Variants in GLT6D1 observed in about 807,000 individuals in gnomAD.
GLT6D1 encodes the protein glycosyltransferase 6 domain containing 1.
GLT6D1 carries 9 observed loss-of-function variants against 12.3 expected under a neutral mutation model. That is an observed-to-expected ratio of 0.73 (90% CI 0.44 to 1.27). The LOEUF is 1.27. Among genes scored for constraint, GLT6D1 ranks in the 50% most tolerant of loss-of-function variants. GLT6D1 has a pLI of 0.00. For synonymous variants in GLT6D1, 128 were observed against 132.3 expected, an observed-to-expected ratio of 0.97 and a Z score of 0.23; for missense variants, 335 against 346.2, an observed-to-expected ratio of 0.97 and a Z score of 0.26.
intron 3 of GLT6D1, among the ~76,000 whole-genome samples, chr9:135,630,259 A>G (rs1049823388): frequency 6.6e-6 from 1 of 151,474 alleles, no homozygotes; most frequent in African/African-American, 2.4e-5. Flanking sequence ...CAAAAAAATT[A>G]GCCAGGCGTG....
In GLT6D1 at chr9:135,631,283, GT is replaced by G. The variant is rs878965930; in HGVS notation, c.119+147del. On this transcript the variant is annotated intron_variant, in intron 3 of 4. Transcript: ENST00000371763. ...CCTGGTTCTTGATCAACAGACCCTG[GT>G]TTGTTTATAAGAGCCTCGAAAATAA... The G allele has an allele frequency of 2.5e-5, 17 of 673,258 alleles. 1 individual carries two copies. In the South Asian group the frequency reaches 3.0e-4, roughly 12 times the overall value. 41.7% of individuals were successfully genotyped at this position (673,258 alleles called of 1,614,324 possible).
At chr9:135,639,253 C>G in intron 1 of GLT6D1, 40 bp downstream of exon 1, 1 of 952,028 alleles carries the variant, frequency 1.1e-6, no homozygotes, top group Non-Finnish European at 1.7e-6. Context: ...TATTTGTCAT[C>G]ATCTAACAAT....
rs767094324 is a variant in GLT6D1, at chr9:135,624,496, G to A, written c.432C>T (p.Leu144=). 14 of 1,608,130 alleles carry A rather than the reference G, an allele frequency of 8.7e-6. No homozygotes were observed. Among genetic ancestry groups the A allele is most frequent in the East Asian group, 6.7e-5 (3 of 44,556 alleles). The part of the protein sequence containing the change: ...AFKVGTERWW[L]DGPLVHVKSL... The stretch of plus-strand genomic sequence containing the variant: ...TCTTCACATGCACCAGGGGGCCATC[G>A]AGCCACCACCTCTCGGTGCCCACTT... The change falls in exon 5 of 5, where the codon CTC becomes CTT. Residue 144 remains leucine, a synonymous_variant. Transcript: ENST00000371763.
intron 2 of GLT6D1, among the ~76,000 whole-genome samples, chr9:135,636,908 G>A (rs11103120): frequency 0.28 from 41,993 of 151,654 alleles, 6,003 homozygotes; most frequent in Middle Eastern, 0.37. Context: ...GCTGGAGTGC[G>A]ATGGCGTGAT....
At chr9:135,630,391 T>A (rs1588202014) in intron 3 of GLT6D1, among the ~76,000 whole-genome samples, 1 of 120,452 alleles carries the variant, frequency 8.3e-6, no homozygotes, top group Admixed American at 9.2e-5. Context: ...GGCAACAGAG[T>A]GAGACTCTGT....
rs35598173 is a variant in GLT6D1, at chr9:135,630,722, C to CA, written c.119+708dup. ...CAACAAGAGCAAAACTCTGTCTCTA[C>CA]AAAAAAAAAAAAAAGATACTTAAAC... On this transcript the variant is annotated intron_variant, in intron 3 of 4. Transcript: ENST00000371763. Among the ~76,000 whole-genome samples the CA allele has an allele frequency of 7.7e-3, 805 of 105,028 alleles. 5 individuals are homozygous for CA. The highest frequency in any genetic ancestry group is 0.018 in the African/African-American group (493 of 27,976). 68.9% of individuals were successfully genotyped at this position (105,028 alleles called of 152,430 possible).
intron 3 of GLT6D1, among the ~76,000 whole-genome samples, chr9:135,630,514 G>A (rs1833618510): frequency 1.3e-5 from 2 of 151,746 alleles, no homozygotes; most frequent in African/African-American, 4.8e-5. Flanking sequence ...GTGGTCAGGA[G>A]TTCAAGACCA....
chr9:135,639,085 A>G, intron 2 of GLT6D1, 32 bp downstream of exon 2: 1 of 1,210,478 alleles, frequency 8.3e-7, no homozygotes, highest in Non-Finnish European at 1.2e-6. Flanking sequence ...CCAATCACTA[A>G]AGATCATGAT....
chr9:135,625,965 A>G, intron 4 of GLT6D1, 104 bp downstream of exon 4: 4 of 1,298,988 alleles, frequency 3.1e-6, no homozygotes, highest in Middle Eastern at 2.4e-4. Context: ...TATTGTTATC[A>G]CTAATTATGC....
chr9:135,624,822 T>C (rs1166088833), intron 4 of GLT6D1, 152 bp from the exon 5 acceptor site: 2 of 447,688 alleles, frequency 4.5e-6, no homozygotes, highest in Non-Finnish European at 7.4e-6. Context: ...CTCCACCTCC[T>C]GGGTCCAAGC....
intron 2 of GLT6D1, among the ~76,000 whole-genome samples, chr9:135,637,777 C>T (rs570372796): frequency 1.3e-5 from 2 of 152,014 alleles, no homozygotes; most frequent in East Asian, 1.9e-4. Flanking sequence ...GTGTTTGTTT[C>T]CTTATTGTTG....
Position 135,624,251 on chromosome 9 carries a change from T to C in GLT6D1, c.677A>G (p.Tyr226Cys). ...GCCACCAACCATCAAGTTGCCATAA[T>C]AGAAATCTCCCTGTCCAAACGGGAT... ...ACIPFGQGDFYYGNLMVGGTP... is the reference protein window; with the variant it reads ...ACIPFGQGDFCYGNLMVGGTP... The change falls in exon 5 of 5, where the codon TAT becomes TGT. Residue 226 changes from tyrosine to cysteine, a missense_variant. Physicochemically the swap from Tyr to Cys is radical, Grantham distance 194. Coordinates refer to ENST00000371763, the MANE Select transcript of GLT6D1 (RefSeq NM_182974.3). 1.2e-6 allele frequency: 2 copies of C among 1,605,442 alleles called. No homozygotes were observed. Among genetic ancestry groups the C allele is most frequent in the Admixed American group, 3.4e-5 (2 of 58,416 alleles).
intron 3 of GLT6D1, 148 bp from the exon 4 acceptor site, chr9:135,626,354 AACGCCC>A: frequency 1.3e-6 from 1 of 791,536 alleles, no homozygotes. Flanking sequence ...TCATCCTTGC[AACGCCC>A]TATGCAATGA....
rs112641594 is a variant in GLT6D1 at position 135,627,544 on chromosome 9, C to A, written c.120-1338G>T. Among the ~76,000 whole-genome samples the A allele has an allele frequency of 2.4e-3, 360 of 152,250 alleles. 1 individual carries two copies. The highest frequency in any genetic ancestry group is 8.0e-3 in the African/African-American group (331 of 41,540). ...AATAATATTCCATTGGATGGCTAGA[C>A]CACATTTTGTTTATATGTTCATTAG... On this transcript the variant is annotated intron_variant, in intron 3 of 4. Coordinates refer to ENST00000371763, the MANE Select transcript of GLT6D1 (RefSeq NM_182974.3).
Position 135,635,388 on chromosome 9 carries a change from G to A in GLT6D1, c.71+3729C>T, listed in dbSNP as rs558921363. Among the ~76,000 whole-genome samples, 29 of 152,260 alleles carry A rather than the reference G, an allele frequency of 1.9e-4. No individual in the cohort carries two copies. In the East Asian group the frequency reaches 3.7e-3, roughly 19 times the overall value. On this transcript the variant is annotated intron_variant, in intron 2 of 4. Transcript: ENST00000371763. ...GGCTCATCTTGTAAATCTCCTGTCC[G>A]AATCTAGAACCATCCACTTCTCCAA...
chr9:135,640,517 A>T (rs1340186694), upstream of GLT6D1, among the ~76,000 whole-genome samples: 1 of 151,980 alleles, frequency 6.6e-6, no homozygotes, highest in South Asian at 2.1e-4. Context: ...TCAGGAGTTC[A>T]AGACCAGCAG....
chr9:135,640,246 T>C (rs113697877), upstream of GLT6D1, among the ~76,000 whole-genome samples: 229 of 152,206 alleles, frequency 1.5e-3, 3 homozygotes, highest in African/African-American at 5.3e-3. Flanking sequence ...TCAAACACAG[T>C]GCGAAAGAAA....
At position 135,624,227 on chromosome 9, in the gene GLT6D1, C is replaced by A; in HGVS notation, c.701G>T (p.Gly234Val). The A allele has an allele frequency of 1.9e-6, 3 of 1,606,772 alleles. No homozygotes were observed. The highest frequency in any genetic ancestry group is 2.5e-6 in the Non-Finnish European group (3 of 1,177,588). Residue 234 changes from glycine (G) to valine (V), a missense_variant, in exon 5 of 5, where the codon GGC becomes GTC. By Grantham distance (109) the Gly-to-Val change is moderately radical. Coordinates refer to ENST00000371763, the MANE Select transcript of GLT6D1 (RefSeq NM_182974.3). ...DFYYGNLMVG[G>V]TPHNILDFIK... is the part of the protein sequence containing the mutation. ...GAAGTCTAAAATATTATGGGGTGTGCCACCAACCATCAAGTTGCCATAATA... is the reference window on the plus strand; with the variant it reads ...GAAGTCTAAAATATTATGGGGTGTGACACCAACCATCAAGTTGCCATAATA...
intron 2 of GLT6D1, among the ~76,000 whole-genome samples, chr9:135,632,375 G>A (rs1376461376): frequency 1.3e-5 from 2 of 152,074 alleles, no homozygotes; most frequent in Non-Finnish European, 2.9e-5. Flanking sequence ...TTAAGTGAAA[G>A]AAATGACTTC....
Sources: gnomAD v4.1 joint callset for allele counts (sites outside exome capture counted in the v4.1 genomes callset) on GRCh38, gnomAD v4.1.1 for gene constraint, MANE v1.5 for transcripts, NCBI Gene and HGNC (gene_info 2026-07-23, HGNC 2026-07-21) for gene names.